MYO15A: variants seen among roughly 807,000 people sequenced by gnomAD.
The protein encoded by MYO15A is myosin XVA, also known as unconventional myosin-XV.
In MYO15A, 308 loss-of-function variants were observed where a neutral mutation model predicts 394.6. The observed-to-expected ratio is 0.78, with a 90% CI of 0.71 to 0.86. The LOEUF (loss-of-function observed/expected upper bound fraction) is 0.86, where lower values mean the gene tolerates loss of function less well. Among genes scored for constraint, MYO15A ranks in the 40% least tolerant of loss-of-function variants. The pLI is 0.00. For missense variants in MYO15A, 4,606 were observed against 4,799.1 expected (o/e 0.96, Z 1.19); for synonymous variants, 1,957 against 2,003.8 (o/e 0.98, Z 0.62).
chr17:18,152,213 G>C, intron 42 of MYO15A, 29 bp downstream of exon 42: 1 of 1,541,000 alleles, frequency 6.5e-7, no homozygotes, highest in Non-Finnish European at 8.7e-7. Context: ...AGGGAGGGGA[G>C]GGTGTCCAAG....
rs960683376 is a variant in MYO15A at position 18,117,075 on chromosome 17, C to G, written c.-219-1507C>G. On this transcript the variant is annotated intron_variant, in intron 1 of 65. Coordinates refer to ENST00000647165, the MANE Select transcript of MYO15A (RefSeq NM_016239.4). The surrounding 1 kb of genome is among the most constrained non-coding windows in gnomAD (Gnocchi z 4.1). ...CACTTCCTGCACGTATCCCCTAACTCGCTCCAAAAGCCCTCCATCCAATTT... is the reference window on the plus strand; with the variant it reads ...CACTTCCTGCACGTATCCCCTAACTGGCTCCAAAAGCCCTCCATCCAATTT... Among the ~76,000 whole-genome samples, 2 of 152,156 alleles carry G rather than the reference C, an allele frequency of 1.3e-5. No individual in the cohort carries two copies. The highest frequency in any genetic ancestry group is 2.9e-5 in the Non-Finnish European group (2 of 68,022).
At chr17:18,135,552 G>C (rs1245573952) in intron 12 of MYO15A, among the ~76,000 whole-genome samples, 159 bp from the exon 13 acceptor site, 1 of 151,974 alleles carries the variant, frequency 6.6e-6, no homozygotes, top group East Asian at 1.9e-4. Context: ...TGTTGGTCAG[G>C]TTGGTCTCGA....
At chr17:18,168,414 A>G (rs997110072) in intron 62 of MYO15A, among the ~76,000 whole-genome samples, 2 of 152,018 alleles carry the variant, frequency 1.3e-5, no homozygotes, top group South Asian at 2.1e-4. Context: ...ACTACAAAAA[A>G]TTAGCCAGGC....
chr17:18,148,444 C>T lies in MYO15A; in HGVS notation c.6692-52C>T. On this transcript the variant is annotated intron_variant, in intron 31 of 65. Transcript: ENST00000647165. This position sits in a 1 kb window ranked among gnomAD's most constrained non-coding sequence, Gnocchi z 4.8. ...GGAAGAAGCAAGCAGGGAGGCACAG[C>T]CAAACTGGACTCAGATGCTCCAACC... 1 of 1,547,428 alleles carries T rather than the reference C, an allele frequency of 6.5e-7. No individual in the cohort carries two copies. The highest frequency in any genetic ancestry group is 8.7e-7 in the Non-Finnish European group (1 of 1,144,096).
rs2045940626 is a variant in MYO15A, at chr17:18,121,799, A to G, written c.2999A>G (p.Gln1000Arg). Residue 1000 changes from glutamine (Q) to arginine (R), a missense_variant, in exon 2 of 66, where the codon CAG (glutamine) becomes CGG (arginine). Physicochemically the swap from Gln to Arg is conservative, Grantham distance 43. Around this residue, in one of 2 missense-constraint regions of MYO15A, gnomAD observed 1,830 missense variants for 1,689.7 expected, o/e 1.08. Coordinates refer to ENST00000647165, the MANE Select transcript of MYO15A (RefSeq NM_016239.4). The surrounding 1 kb of genome is among the most constrained non-coding windows in gnomAD (Gnocchi z 5.3). ...LGRHHEPGPG[Q>R]LTKSAGPTPE... ...AGACACCATGAGCCGGGGCCTGGAC[A>G]GCTCACCAAATCAGCTGGCCCAACC... is the stretch of plus-strand genomic sequence containing the variant. 2 of 1,612,570 alleles carry G rather than the reference A, an allele frequency of 1.2e-6. No individual in the cohort carries two copies. Among genetic ancestry groups the G allele is most frequent in the African/African-American group, 2.7e-5 (2 of 74,896 alleles).
intron 8 of MYO15A, 109 bp from the exon 9 acceptor site, chr17:18,131,130 G>T: frequency 1.0e-6 from 1 of 995,594 alleles, no homozygotes; most frequent in Non-Finnish European, 1.5e-6. Flanking sequence ...TCTCATAAAG[G>T]GAGGTCCTTG....
Position 18,119,250 on chromosome 17 carries a change from C to T in MYO15A, c.450C>T (p.Gly150=). ...KFLLKKAEES[G]SEQATVDAWL... ...TCCTCAAGAAGGCCGAGGAGTCGGGCAGCGAACAGGCCACAGTGGACGCCT... is the reference window on the plus strand; with the variant it reads ...TCCTCAAGAAGGCCGAGGAGTCGGGTAGCGAACAGGCCACAGTGGACGCCT... Residue 150 remains glycine, a synonymous_variant, in exon 2 of 66, where the codon GGC becomes GGT. Coordinates refer to ENST00000647165, the MANE Select transcript of MYO15A (RefSeq NM_016239.4). 6.2e-7 allele frequency: 1 copy of T among 1,612,350 alleles called. No homozygotes were observed. Among genetic ancestry groups the T allele is most frequent in the Non-Finnish European group, 8.5e-7 (1 of 1,179,876 alleles).
chr17:18,148,051 A>G lies in MYO15A; in HGVS notation c.6532A>G (p.Asn2178Asp). Residue 2178 changes from asparagine (N) to aspartate (D), a missense_variant, in exon 31 of 66, where the codon AAT becomes GAT. Coordinates refer to ENST00000647165, the MANE Select transcript of MYO15A (RefSeq NM_016239.4). The surrounding 1 kb of genome is among the most constrained non-coding windows in gnomAD (Gnocchi z 4.8). The part of the protein sequence containing the change: ...LLKFVSDYGR[N>D]GFQAVCQHRL... The stretch of plus-strand genomic sequence containing the variant: ...CAGGTTTGTGTCTGATTATGGGCGG[A>G]ATGGCTTCCAGGCTGTGTGTCAGCA... 1 of 1,614,022 alleles carries G rather than the reference A, an allele frequency of 6.2e-7. No homozygotes were observed. Among genetic ancestry groups the G allele is most frequent in the Non-Finnish European group, 8.5e-7 (1 of 1,180,030 alleles).
Position 18,148,799 on chromosome 17 carries a change from T to C in MYO15A, c.6803T>C (p.Met2268Thr), listed in dbSNP as rs1183913251. The C allele has an allele frequency of 2.5e-6, 4 of 1,604,830 alleles. No homozygotes were observed. The African/African-American group carries it at 5.4e-5, about 21-fold the overall frequency. Reference protein sequence around the residue: ...ADGWRGWTVAMKNGVQWAELA... With the variant: ...ADGWRGWTVATKNGVQWAELA... ...GGCTGGCGCGGCTGGACCGTGGCCA[T>C]GAAGAATGGTGTCCAGTGGGCAGAG... The change falls in exon 33 of 66, where the codon ATG becomes ACG. Residue 2268 changes from methionine (M) to threonine (T), a missense_variant. Coordinates refer to ENST00000647165, the MANE Select transcript of MYO15A (RefSeq NM_016239.4). The surrounding 1 kb of genome is among the most constrained non-coding windows in gnomAD (Gnocchi z 4.8).
chr17:18,154,104 G>A, intron 43 of MYO15A, 27 bp from the exon 44 acceptor site: 2 of 1,613,602 alleles, frequency 1.2e-6, no homozygotes, highest in Non-Finnish European at 1.7e-6. Flanking sequence ...CAGTCGGACA[G>A]TACCCACTGA....
intron 1 of MYO15A, among the ~76,000 whole-genome samples, chr17:18,114,302 A>T (rs141609773): frequency 1.7e-5 from 2 of 116,914 alleles, no homozygotes; most frequent in African/African-American, 6.6e-5. Flanking sequence ...CCCAGGCTGG[A>T]GTGCAATGGC....
chr17:18,161,188 A>G (rs1185366172), intron 56 of MYO15A, 129 bp from the exon 57 acceptor site: 2 of 1,283,264 alleles, frequency 1.6e-6, no homozygotes, highest in African/African-American at 1.5e-5. Context: ...ATCACTGCGC[A>G]GGGAGGGGCA....
At chr17:18,157,532 C>A in intron 50 of MYO15A, 190 bp from the exon 51 acceptor site, 1 of 1,221,224 alleles carries the variant, frequency 8.2e-7, no homozygotes, top group Non-Finnish European at 1.1e-6. Flanking sequence ...CCTTTATGGT[C>A]CTGTGGCCCT....
At chr17:18,135,880 A>T in intron 13 of MYO15A, 56 bp downstream of exon 13, 1 of 1,508,482 alleles carries the variant, frequency 6.6e-7, no homozygotes, top group Admixed American at 1.8e-5. Context: ...GCCTGGACAG[A>T]GCTGCTTGTG....
At chr17:18,140,491 T>C in intron 19 of MYO15A, 26 bp from the exon 20 acceptor site, 1 of 1,613,324 alleles carries the variant, frequency 6.2e-7, no homozygotes, top group Admixed American at 1.7e-5. Flanking sequence ...TGCCTGTCTG[T>C]TTTCCCTGCC....
rs1328896401 is a variant in MYO15A at position 18,154,121 on chromosome 17, G to T, written c.8089-10G>T. 1 of 1,613,760 alleles carries T rather than the reference G, an allele frequency of 6.2e-7. No homozygotes were observed. The highest frequency in any genetic ancestry group is 8.5e-7 in the Non-Finnish European group (1 of 1,180,028). ...GTCGGACAGTACCCACTGAAGCCCC[G>T]CCCCTGCAGGTGTTTTACCCCAAGG... On this transcript the variant is annotated splice_polypyrimidine_tract_variant and intron_variant, in intron 43 of 65. Coordinates refer to ENST00000647165, the MANE Select transcript of MYO15A (RefSeq NM_016239.4).
rs1467517812 is a variant in MYO15A, at chr17:18,119,811, C to A, written c.1011C>A (p.His337Gln). Reference protein sequence around the residue: ...SYHDGYEGEAHPYGYYLDPYA... With the variant: ...SYHDGYEGEAQPYGYYLDPYA... ...ACGATGGGTACGAGGGCGAGGCGCA[C>A]CCTTATGGCTACTACCTGGATCCCT... Residue 337 changes from histidine to glutamine, a missense_variant, in exon 2 of 66, where the codon CAC (histidine) becomes CAA (glutamine). His to Gln is a conservative substitution (Grantham distance 24). This residue lies in a region of MYO15A where 1,830 missense variants were observed against 1,689.7 expected (regional missense o/e 1.08). Coordinates refer to ENST00000647165, the MANE Select transcript of MYO15A (RefSeq NM_016239.4). 2 of 1,613,182 alleles carry A rather than the reference C, an allele frequency of 1.2e-6. No individual in the cohort carries two copies. Among genetic ancestry groups the A allele is most frequent in the East Asian group, 4.5e-5 (2 of 44,876 alleles).
intron 12 of MYO15A, 27 bp downstream of exon 12, chr17:18,133,413 G>A (rs1348346107): frequency 6.2e-7 from 1 of 1,611,842 alleles, no homozygotes; most frequent in Admixed American, 1.7e-5. Context: ...GCCTGCCATG[G>A]GGCCCGCACC....
At position 18,143,942 on chromosome 17, in the gene MYO15A, C is replaced by G. The variant is rs768790649; in HGVS notation, c.6119C>G (p.Thr2040Arg). 1.7e-5 allele frequency: 28 copies of G among 1,612,062 alleles called. No homozygotes were observed. The highest frequency in any genetic ancestry group is 2.4e-5 in the Non-Finnish European group (28 of 1,179,378). Residue 2040 changes from threonine to arginine, a missense_variant, in exon 28 of 66, where the codon ACA becomes AGA. Around this residue, in one of 2 missense-constraint regions of MYO15A, gnomAD observed 2,776 missense variants for 3,109.3 expected, o/e 0.89. Coordinates refer to ENST00000647165, the MANE Select transcript of MYO15A (RefSeq NM_016239.4). ...CGACTCCAGGCTGAGCCCCGTGTCA[C>G]ACTGCCCCTGGACATCAACAACTAT... ...TPRLQAEPRV[T>R]LPLDINNYPM...
Sources: allele counts gnomAD v4.1 joint callset (sites outside exome capture counted in the v4.1 genomes callset), GRCh38; gene constraint gnomAD v4.1.1; regional missense constraint gnomAD v4.1.1; non-coding constraint Gnocchi (gnomAD v3.1); transcripts MANE v1.5; gene names NCBI Gene and HGNC (gene_info 2026-07-23, HGNC 2026-07-21).